Variants in HMGB1 observed in about 807,000 individuals in gnomAD.
HMGB1 encodes the protein high mobility group box 1.
For synonymous variants in HMGB1, 81 were observed against 84.0 expected (o/e 0.96, Z 0.19); for missense variants, 79 against 253.5 (o/e 0.31, Z 4.67).
intron 1 of HMGB1, among the ~76,000 whole-genome samples, chr13:30,552,894 C>T (rs558981698): frequency 6.6e-6 from 1 of 152,356 alleles, no homozygotes; most frequent in African/African-American, 2.4e-5. Context: ...TGCAACCTCA[C>T]AGCACCTGCT....
intron 1 of HMGB1, among the ~76,000 whole-genome samples, chr13:30,564,733 G>A (rs1281928984): frequency 1.3e-5 from 2 of 152,122 alleles, no homozygotes; most frequent in African/African-American, 2.4e-5. Context: ...ATTCATGATT[G>A]CAATTTTTCA....
At chr13:30,586,229 A>G (rs1403767697) in intron 1 of HMGB1, among the ~76,000 whole-genome samples, 2 of 152,126 alleles carry the variant, frequency 1.3e-5, no homozygotes, top group African/African-American at 2.4e-5. Flanking sequence ...TAATTACTCA[A>G]TCTTTAACAT....
chr13:30,536,542 C>T (rs1868449204), intron 1 of HMGB1, among the ~76,000 whole-genome samples: 1 of 152,010 alleles, frequency 6.6e-6, no homozygotes, highest in Admixed American at 6.6e-5. Context: ...TGGAGACAGG[C>T]TTTCACCATG....
intron 1 of HMGB1, among the ~76,000 whole-genome samples, chr13:30,548,255 T>C (rs1869258283): frequency 6.6e-6 from 1 of 152,142 alleles, no homozygotes; most frequent in Admixed American, 6.5e-5. Flanking sequence ...CTGACGGTTT[T>C]ATAAGGGGCT....
At chr13:30,554,584 G>A (rs1246721861) in intron 1 of HMGB1, 6 of 771,358 alleles carry the variant, frequency 7.8e-6, no homozygotes, top group Admixed American at 3.5e-5. Context: ...ATCATTCACC[G>A]AACAAAATAA....
chr13:30,592,874 A>ATTTT (rs1566034980), intron 1 of HMGB1, among the ~76,000 whole-genome samples: 314 of 148,650 alleles, frequency 2.1e-3, no homozygotes, highest in African/African-American at 7.5e-3. Flanking sequence ...TTTTTTTTAA[A>ATTTT]AAAAAAAAAA....
intron 1 of HMGB1, chr13:30,464,270 C>G: frequency 1.0e-6 from 1 of 985,576 alleles, no homozygotes; most frequent in Non-Finnish European, 1.2e-6. Context: ...GGCGGTGCCA[C>G]CGCGAGGCAG....
chr13:30,590,629 C>G (rs1296975622), intron 1 of HMGB1, among the ~76,000 whole-genome samples: 1 of 152,222 alleles, frequency 6.6e-6, no homozygotes, highest in Non-Finnish European at 1.5e-5. Context: ...GAATGAAATT[C>G]AAGGTTCCAA....
At chr13:30,497,839 C>A (rs1887646119) in intron 1 of HMGB1, among the ~76,000 whole-genome samples, 1 of 152,042 alleles carries the variant, frequency 6.6e-6, no homozygotes, top group Non-Finnish European at 1.5e-5. Context: ...CCACATTTTC[C>A]TTATCCAGTC....
At chr13:30,598,788 T>C (rs752371235) in intron 1 of HMGB1, among the ~76,000 whole-genome samples, 27 of 152,196 alleles carry the variant, frequency 1.8e-4, no homozygotes, top group Admixed American at 3.3e-4. Context: ...CTTAATTTGA[T>C]TACTTCATGA....
At chr13:30,553,060 C>T (rs1869502611) in intron 1 of HMGB1, among the ~76,000 whole-genome samples, 1 of 152,230 alleles carries the variant, frequency 6.6e-6, no homozygotes. Flanking sequence ...GACAGGAGCT[C>T]ATAGAAAAAA....
chr13:30,518,935 G>A (rs1026434736), intron 1 of HMGB1, among the ~76,000 whole-genome samples: 5 of 151,432 alleles, frequency 3.3e-5, no homozygotes, highest in Middle Eastern at 3.4e-3. Flanking sequence ...AGAGATGGGG[G>A]CTGGTCTTGA....
At chr13:30,515,249 G>A (rs549335868) in intron 1 of HMGB1, among the ~76,000 whole-genome samples, 23 of 152,230 alleles carry the variant, frequency 1.5e-4, no homozygotes, top group Non-Finnish European at 2.6e-4. Context: ...CCACAAGGAA[G>A]TGGATTCTGC....
At chr13:30,564,056 A>G (rs977036350) in intron 1 of HMGB1, among the ~76,000 whole-genome samples, 4 of 152,188 alleles carry the variant, frequency 2.6e-5, no homozygotes, top group African/African-American at 9.7e-5. Flanking sequence ...ATTTCAATTC[A>G]TATTTTTTTG....
intron 1 of HMGB1, among the ~76,000 whole-genome samples, chr13:30,514,047 C>T (rs1888049290): frequency 6.6e-6 from 1 of 151,974 alleles, no homozygotes; most frequent in Non-Finnish European, 1.5e-5. Context: ...TGCATCTGGC[C>T]TTCCCAAATT....
chr13:30,601,284 G>A (rs927102525), intron 1 of HMGB1, among the ~76,000 whole-genome samples: 4 of 152,134 alleles, frequency 2.6e-5, no homozygotes, highest in African/African-American at 9.7e-5. Context: ...TTCTGACTCA[G>A]CCCGCCTGCA....
intron 1 of HMGB1, among the ~76,000 whole-genome samples, chr13:30,516,812 A>G (rs913353875): frequency 6.6e-6 from 1 of 151,992 alleles, no homozygotes; most frequent in Non-Finnish European, 1.5e-5. Context: ...AGCTACTTGG[A>G]AGGCTAAGGT....
chr13:30,564,500 T>G (rs1282524142), intron 1 of HMGB1, among the ~76,000 whole-genome samples: 1 of 151,906 alleles, frequency 6.6e-6, no homozygotes, highest in Non-Finnish European at 1.5e-5. Context: ...AACAAACCGC[T>G]GCCCTGTGCT....
intron 1 of HMGB1, among the ~76,000 whole-genome samples, chr13:30,484,775 G>T (rs1208895826): frequency 6.6e-6 from 1 of 151,802 alleles, no homozygotes; most frequent in African/African-American, 2.4e-5. Context: ...AAGAGGAGAG[G>T]AGAGGAGAGG....
Sources: allele counts gnomAD v4.1 joint callset (sites outside exome capture counted in the v4.1 genomes callset), GRCh38; gene constraint gnomAD v4.1.1; transcripts MANE v1.5; gene names NCBI Gene and HGNC (gene_info 2026-07-23, HGNC 2026-07-21).